The following ENOX1 variants were observed in gnomAD, a reference collection of about 807,000 sequenced individuals.
The protein encoded by ENOX1 is candidate growth-related and time keeping constitutive hydroquinone (NADH) oxidase.
A neutral mutation model predicts 82.5 loss-of-function variants in ENOX1; 42 were observed. That is an observed-to-expected ratio of 0.51 (90% CI 0.40 to 0.66). ENOX1 has a LOEUF of 0.66. ENOX1 is among the 30% of genes least tolerant of loss of function. The probability of loss-of-function intolerance (pLI) is 0.00; values close to 1 mark genes in which losing one functional copy is unlikely to be tolerated. For missense variants in ENOX1, 608 were observed against 811.6 expected, an observed-to-expected ratio of 0.75 and a Z score of 3.05; for synonymous variants, 271 against 282.2, an observed-to-expected ratio of 0.96 and a Z score of 0.40.
At chr13:43,340,355 T>C (rs1321505517) in intron 9 of ENOX1, among the ~76,000 whole-genome samples, 1 of 152,204 alleles carries the variant, frequency 6.6e-6, no homozygotes, top group African/African-American at 2.4e-5. Context: ...TGTCAAAGAC[T>C]CACAGGAAGG....
At chr13:43,287,157 A>G (rs1254966467) in intron 12 of ENOX1, among the ~76,000 whole-genome samples, 1 of 152,104 alleles carries the variant, frequency 6.6e-6, no homozygotes, top group Non-Finnish European at 1.5e-5. Context: ...CATACCCCTG[A>G]GTTGTTGTGA....
intron 1 of ENOX1, among the ~76,000 whole-genome samples, chr13:43,777,117 A>G (rs1418505562): frequency 6.6e-6 from 1 of 152,252 alleles, no homozygotes; most frequent in Non-Finnish European, 1.5e-5. Flanking sequence ...AATGGTCACC[A>G]GGGGATAAAT....
intron 15 of ENOX1, among the ~76,000 whole-genome samples, chr13:43,229,129 G>C (rs1350613005): frequency 6.6e-6 from 1 of 152,144 alleles, no homozygotes; most frequent in African/African-American, 2.4e-5. Flanking sequence ...CTTTCACTTG[G>C]TTCTTCTCTC....
intron 13 of ENOX1, among the ~76,000 whole-genome samples, chr13:43,267,478 C>A (rs142000700): frequency 1.4e-4 from 22 of 152,334 alleles, no homozygotes; most frequent in African/African-American, 5.3e-4. Flanking sequence ...ATTCCCAGCA[C>A]GGGGCAATCC....
At chr13:43,330,251 A>G (rs2048343685) in intron 9 of ENOX1, among the ~76,000 whole-genome samples, 1 of 152,228 alleles carries the variant, frequency 6.6e-6, no homozygotes, top group African/African-American at 2.4e-5. Flanking sequence ...TGGCATTGGC[A>G]TTTGTTCAAA....
intron 1 of ENOX1, among the ~76,000 whole-genome samples, chr13:43,775,613 T>C (rs11619519): frequency 0.38 from 58,519 of 152,034 alleles, 14,083 homozygotes; most frequent in Non-Finnish European, 0.55. Flanking sequence ...GTGCCCACGA[T>C]TGGGTGGTTG....
intron 2 of ENOX1, among the ~76,000 whole-genome samples, chr13:43,641,734 C>T (rs893552894): frequency 4.6e-5 from 7 of 151,532 alleles, no homozygotes; most frequent in Non-Finnish European, 8.8e-5. Context: ...GGGGTTTCAC[C>T]GTGTTAGCCA....
At chr13:43,544,324 G>A (rs749064020) in intron 2 of ENOX1, 1 of 152,170 alleles carries the variant, frequency 6.6e-6, no homozygotes, top group African/African-American at 2.4e-5. Flanking sequence ...TATCTAGATT[G>A]TTGTAAGGAG....
intron 5 of ENOX1, among the ~76,000 whole-genome samples, chr13:43,372,501 T>C (rs2051308260): frequency 6.6e-6 from 1 of 152,122 alleles, no homozygotes; most frequent in Non-Finnish European, 1.5e-5. Flanking sequence ...GGTCATCTCA[T>C]ACCACTTAGC....
intron 2 of ENOX1, among the ~76,000 whole-genome samples, chr13:43,610,250 T>G (rs1335895052): frequency 6.6e-6 from 1 of 152,192 alleles, no homozygotes; most frequent in Non-Finnish European, 1.5e-5. Context: ...AGGTGATAAA[T>G]AAATTGTAAC....
intron 3 of ENOX1, among the ~76,000 whole-genome samples, chr13:43,441,697 C>T (rs1231848323): frequency 6.6e-6 from 1 of 151,014 alleles, no homozygotes. Context: ...TAATCATCAT[C>T]TTTGGGCAAA....
At chr13:43,420,355 C>G (rs977051899) in intron 3 of ENOX1, among the ~76,000 whole-genome samples, 1 of 152,152 alleles carries the variant, frequency 6.6e-6, no homozygotes, top group African/African-American at 2.4e-5. Context: ...AACTAAAAAT[C>G]TTAATATCTT....
intron 5 of ENOX1, among the ~76,000 whole-genome samples, chr13:43,364,406 G>T (rs1020273206): frequency 6.6e-6 from 1 of 152,042 alleles, no homozygotes; most frequent in South Asian, 2.1e-4. Flanking sequence ...GTACTGAAAT[G>T]ACAGGAAGGA....
intron 1 of ENOX1, among the ~76,000 whole-genome samples, chr13:43,749,037 T>G (rs959413792): frequency 4.6e-5 from 7 of 152,168 alleles, no homozygotes; most frequent in African/African-American, 7.2e-5. Context: ...GTTATGAAGG[T>G]CAAATTAGTA....
chr13:43,545,109 A>G (rs1419531084), intron 2 of ENOX1: 1 of 152,214 alleles, frequency 6.6e-6, no homozygotes, highest in Non-Finnish European at 1.5e-5. Context: ...TCTCCTGACC[A>G]CACAGCTGCG....
intron 3 of ENOX1, among the ~76,000 whole-genome samples, chr13:43,440,094 C>T (rs2056279261): frequency 1.3e-5 from 2 of 152,126 alleles, no homozygotes; most frequent in Non-Finnish European, 2.9e-5. Context: ...GAATAAATAT[C>T]TAAAAGGGTG....
intron 3 of ENOX1, among the ~76,000 whole-genome samples, chr13:43,472,056 C>A (rs901212725): frequency 3.3e-5 from 5 of 151,386 alleles, no homozygotes; most frequent in African/African-American, 4.9e-5. Context: ...AGAAAGCAAT[C>A]CCAGCTTTGT....
At chr13:43,432,772 T>C (rs2055757363) in intron 3 of ENOX1, among the ~76,000 whole-genome samples, 2 of 152,258 alleles carry the variant, frequency 1.3e-5, no homozygotes, top group Admixed American at 6.5e-5. Flanking sequence ...GTGGTTATTA[T>C]TGTTGCTTTC....
chr13:43,308,350 C>G (rs1258940712), intron 11 of ENOX1, among the ~76,000 whole-genome samples: 1 of 152,114 alleles, frequency 6.6e-6, no homozygotes, highest in Non-Finnish European at 1.5e-5. Context: ...GATTTTTATA[C>G]TTTACTCCAT....
Sources: gnomAD v4.1 joint callset for allele counts (sites outside exome capture counted in the v4.1 genomes callset) on GRCh38, gnomAD v4.1.1 for gene constraint, MANE v1.5 for transcripts, NCBI Gene and HGNC (gene_info 2026-07-23, HGNC 2026-07-21) for gene names.